CLIP1: variants seen among roughly 807,000 people sequenced by gnomAD.
CLIP1 encodes the protein CAP-Gly domain containing linker protein 1.
Under a neutral mutation model 161.6 loss-of-function variants are expected in CLIP1, and 66 were observed. The observed-to-expected ratio is 0.41, with a 90% confidence interval of 0.33 to 0.50. The LOEUF (loss-of-function observed/expected upper bound fraction) is 0.50. CLIP1 is among the 20% of genes least tolerant of loss of function. The pLI, the probability that CLIP1 is intolerant of heterozygous loss-of-function variation, is 0.27. For missense variants in CLIP1, 1,376 were observed against 1,702.0 expected, an observed-to-expected ratio of 0.81 and a Z score of 3.37; for synonymous variants, 598 against 626.2, an observed-to-expected ratio of 0.96 and a Z score of 0.67.
At chr12:122,294,447 C>G (rs974121664) in intron 20 of CLIP1, among the ~76,000 whole-genome samples, 1 of 151,648 alleles carries the variant, frequency 6.6e-6, no homozygotes, top group Admixed American at 6.6e-5. Flanking sequence ...GGATAGACCT[C>G]CAAAGGAATA....
intron 21 of CLIP1, among the ~76,000 whole-genome samples, chr12:122,287,110 G>GCTGCCGTAAGCCATGATTGAGC (rs1955889926): frequency 1.3e-5 from 2 of 152,080 alleles, no homozygotes; most frequent in Admixed American, 1.3e-4. Context: ...GGAGATTGAG[G>GCTGCCGTAAGCCATGATTGAGC]CTGCCGTAAG....
intron 20 of CLIP1, among the ~76,000 whole-genome samples, chr12:122,291,457 T>C (rs961897634): frequency 2.0e-5 from 3 of 152,236 alleles, no homozygotes; most frequent in African/African-American, 7.2e-5. Flanking sequence ...CCCAAAATGC[T>C]GGGATTACAG....
At chr12:122,396,303 G>A (rs945490432) in intron 1 of CLIP1, among the ~76,000 whole-genome samples, 20 of 152,076 alleles carry the variant, frequency 1.3e-4, no homozygotes, top group African/African-American at 3.6e-4. Flanking sequence ...ATAAAGCCTC[G>A]GGACAGCTCC....
chr12:122,316,559 T>C (rs1444412541), intron 19 of CLIP1, among the ~76,000 whole-genome samples, 190 bp downstream of exon 19: 1 of 152,120 alleles, frequency 6.6e-6, no homozygotes, highest in East Asian at 1.9e-4. Flanking sequence ...ACACATTTCA[T>C]TCTGATCCTT....
At chr12:122,322,379 T>C (rs1173194071) in intron 17 of CLIP1, 1 of 152,658 alleles carries the variant, frequency 6.6e-6, no homozygotes, top group African/African-American at 2.4e-5. Context: ...CTGGGCTTTT[T>C]CGGCCAGGGT....
At chr12:122,318,499 C>T (rs1951355042) in intron 18 of CLIP1, among the ~76,000 whole-genome samples, 1 of 152,166 alleles carries the variant, frequency 6.6e-6, no homozygotes, top group African/African-American at 2.4e-5. Context: ...TGCCATTGCA[C>T]AACAGCCTGG....
chr12:122,341,691 T>C lies in CLIP1; in HGVS notation c.1513A>G (p.Thr505Ala). ...QRELEDTRVA[T>A]VSEKSRIMEL... ...ATTATACGTGACTTTTCTGAAACTGTAGCCACCTATTAACAGCAGTCCAAA... is the reference window on the plus strand; with the variant it reads ...ATTATACGTGACTTTTCTGAAACTGCAGCCACCTATTAACAGCAGTCCAAA... Residue 505 changes from threonine to alanine, a missense_variant, in exon 11 of 26, where the codon ACA becomes GCA. Thr to Ala is a moderately conservative substitution (Grantham distance 58). Around this residue, in one of 6 missense-constraint regions of CLIP1, gnomAD observed 948 missense variants for 1,134.8 expected, o/e 0.84. Transcript: ENST00000620786. 3.2e-6 allele frequency: 5 copies of C among 1,557,990 alleles called. No individual in the cohort carries two copies. Among genetic ancestry groups the C allele is most frequent in the Non-Finnish European group, 4.3e-6 (5 of 1,149,822 alleles).
At chr12:122,404,335 G>A (rs548000528) in intron 1 of CLIP1, among the ~76,000 whole-genome samples, 40 of 152,294 alleles carry the variant, frequency 2.6e-4, no homozygotes, top group Admixed American at 4.6e-4. Flanking sequence ...AGTGGCTGAC[G>A]CCTGTAATCC....
At chr12:122,309,531 G>GCGT (rs1238217583) in intron 20 of CLIP1, among the ~76,000 whole-genome samples, 5 of 152,168 alleles carry the variant, frequency 3.3e-5, no homozygotes, top group Non-Finnish European at 7.3e-5. Context: ...CTACTTGCTT[G>GCGT]CAAGTTCCAG....
chr12:122,410,924 G>A (rs1479062989), intron 1 of CLIP1, among the ~76,000 whole-genome samples: 1 of 152,150 alleles, frequency 6.6e-6, no homozygotes, highest in East Asian at 1.9e-4. Flanking sequence ...CACTCACTAG[G>A]ATGACTATAA....
rs373171442 is a variant in CLIP1, at chr12:122,311,488, G to C, written c.3474-1606C>G. ...CGCCCAGGCTGGAGTGCAGTGGCAC[G>C]AACTCGGCTCACTGCAAGCTCCACC... On this transcript the variant is annotated intron_variant, in intron 19 of 25. Transcript: ENST00000620786. The surrounding 1 kb of genome is among the most constrained non-coding windows in gnomAD (Gnocchi z 4.3). Among the ~76,000 whole-genome samples the C allele has an allele frequency of 8.6e-5, 13 of 151,544 alleles. No individual in the cohort carries two copies. Among genetic ancestry groups the C allele is most frequent in the Admixed American group, 2.6e-4 (4 of 15,216 alleles).
At chr12:122,348,162 T>C (rs61954405) in intron 9 of CLIP1, among the ~76,000 whole-genome samples, 17,829 of 152,124 alleles carry the variant, frequency 0.12, 1,435 homozygotes, top group East Asian at 0.45. Context: ...GCAACATTCC[T>C]ACATGTGATG....
At chr12:122,276,015 A>C (rs113432504) in intron 24 of CLIP1, among the ~76,000 whole-genome samples, 2,301 of 152,296 alleles carry the variant, frequency 0.015, 54 homozygotes, top group African/African-American at 0.052. Flanking sequence ...ATCAAAGGGC[A>C]TTTTGACTTA....
At chr12:122,378,688 T>A (rs866136120) in intron 2 of CLIP1, among the ~76,000 whole-genome samples, 14 of 152,164 alleles carry the variant, frequency 9.2e-5, no homozygotes, top group South Asian at 4.1e-4. Flanking sequence ...GAGTAGTCAA[T>A]CGAAGCTGAT....
chr12:122,363,946 A>G, intron 4 of CLIP1, 37 bp downstream of exon 4: 1 of 1,613,694 alleles, frequency 6.2e-7, no homozygotes, highest in Non-Finnish European at 8.5e-7. Flanking sequence ...CGTCACGTAC[A>G]AGAGTGACAC....
intron 24 of CLIP1, chr12:122,276,553 G>A: frequency 1.3e-5 from 15 of 1,165,722 alleles, no homozygotes; most frequent in Non-Finnish European, 1.5e-5. Flanking sequence ...ATACAAAGAG[G>A]ACAATGCTAA....
intron 1 of CLIP1, among the ~76,000 whole-genome samples, chr12:122,418,135 T>C (rs1331175809): frequency 6.6e-6 from 1 of 152,088 alleles, no homozygotes; most frequent in South Asian, 2.1e-4. Context: ...CCTTCTCTAC[T>C]TGAAGGGAAG....
At chr12:122,330,892 C>G (rs139735854) in intron 15 of CLIP1, among the ~76,000 whole-genome samples, 1 of 151,544 alleles carries the variant, frequency 6.6e-6, no homozygotes, top group African/African-American at 2.4e-5. Flanking sequence ...TGAGCCACCA[C>G]GCCCGGCCTA....
At chr12:122,371,512 T>G (rs1357913793) in intron 3 of CLIP1, among the ~76,000 whole-genome samples, 1 of 152,188 alleles carries the variant, frequency 6.6e-6, no homozygotes, top group Non-Finnish European at 1.5e-5. Context: ...AAAAAGAGTT[T>G]AGGCAAAGGA....
Sources: gnomAD v4.1 joint callset for allele counts (sites outside exome capture counted in the v4.1 genomes callset) on GRCh38, gnomAD v4.1.1 for gene constraint, gnomAD v4.1.1 regional missense constraint, Gnocchi (gnomAD v3.1) non-coding constraint, MANE v1.5 for transcripts, NCBI Gene and HGNC (gene_info 2026-07-23, HGNC 2026-07-21) for gene names.